The following IER2 variants were observed in gnomAD, a reference collection of about 807,000 sequenced individuals.
IER2 encodes the protein immediate early response 2.
For synonymous variants in IER2, 198 were observed against 149.6 expected (o/e 1.32, Z -2.36); for missense variants, 372 against 325.4 (o/e 1.14, Z -1.10).
rs968451558 is a variant in IER2 at position 13,154,651 on chromosome 19, A to G, written c.*793A>G. On this transcript the variant is annotated 3_prime_UTR_variant, in exon 2 of 2. Coordinates refer to ENST00000292433, the MANE Select transcript of IER2 (RefSeq NM_004907.3). ...GCGTGCCCCTCCCTCAGACACACGG[A>G]CACAATCAGCCGAGAAGTTCCTGGT... The G allele has an allele frequency of 1.7e-4, 28 of 167,374 alleles. No individual in the cohort carries two copies. The highest frequency in any genetic ancestry group is 6.5e-4 in the African/African-American group (27 of 41,526). The allele number at this position is 167,374 out of a possible 1,614,324, so 10.4% of individuals were successfully genotyped here.
Position 13,150,547 on chromosome 19 carries a change from G to A in IER2, c.-249G>A. On this transcript the variant is annotated 5_prime_UTR_variant, in exon 1 of 2. Coordinates refer to ENST00000292433, the MANE Select transcript of IER2 (RefSeq NM_004907.3). This position sits in a 1 kb window ranked among gnomAD's most constrained non-coding sequence, Gnocchi z 4.0. ...AACTTCAGTTTCCCTTCCAGGCACG[G>A]GCAATGTAAATAATGATAGCCTCCC... is the stretch of plus-strand genomic sequence containing the variant. The A allele has an allele frequency of 4.6e-6, 1 of 216,864 alleles. No individual in the cohort carries two copies. Among genetic ancestry groups the A allele is most frequent in the Non-Finnish European group, 9.2e-6 (1 of 108,746 alleles). 13.4% of individuals were successfully genotyped at this position (216,864 alleles called of 1,614,324 possible).
rs1427634322 is a variant in IER2, at chr19:13,150,998, G to T, written c.-244+446G>T. Among the ~76,000 whole-genome samples, 1 of 152,106 alleles carries T rather than the reference G, an allele frequency of 6.6e-6. No individual in the cohort carries two copies. Among genetic ancestry groups the T allele is most frequent in the East Asian group, 1.9e-4 (1 of 5,192 alleles). ...GTGGTGGCTTTGAGGATGGTCTCCA[G>T]GGGGGCCCTCTGTGTGTGGGGTCTC... On this transcript the variant is annotated intron_variant, in intron 1 of 1. Coordinates refer to ENST00000292433, the MANE Select transcript of IER2 (RefSeq NM_004907.3). The surrounding 1 kb of genome is among the most constrained non-coding windows in gnomAD (Gnocchi z 4.0).
intron 1 of IER2, among the ~76,000 whole-genome samples, chr19:13,151,164 G>A (rs2020051368): frequency 6.6e-6 from 1 of 151,976 alleles, no homozygotes; most frequent in African/African-American, 2.4e-5. Flanking sequence ...AGGGTGGGCG[G>A]GTTATCTGAG....
Position 13,153,259 on chromosome 19 carries a change from C to G in IER2, c.73C>G (p.Arg25Gly). 1 of 1,589,826 alleles carries G rather than the reference C, an allele frequency of 6.3e-7. No homozygotes were observed. Among genetic ancestry groups the G allele is most frequent in the Non-Finnish European group, 8.6e-7 (1 of 1,168,200 alleles). Residue 25 changes from arginine (R) to glycine (G), a missense_variant, in exon 2 of 2, where the codon CGC becomes GGC. Transcript: ENST00000292433. ...GAAGATGTATCACTCCCGCATGCAG[C>G]GCGGTGGCCTGCGGCTGCACCGGAG... is the stretch of plus-strand genomic sequence containing the variant. The part of the protein sequence containing the change: ...VWKMYHSRMQ[R>G]GGLRLHRSLQ...
At position 13,153,114 on chromosome 19, in the gene IER2, C is replaced by T; in HGVS notation, c.-73C>T. On this transcript the variant is annotated 5_prime_UTR_variant, in exon 2 of 2. Transcript: ENST00000292433. ...TTGTGTAGAGAGGCGTGAGCGAGCCCGTTGTCCGGAGTGCACCTGCTGCCT... is the reference window on the plus strand; with the variant it reads ...TTGTGTAGAGAGGCGTGAGCGAGCCTGTTGTCCGGAGTGCACCTGCTGCCT... 2 of 1,167,670 alleles carry T rather than the reference C, an allele frequency of 1.7e-6. No homozygotes were observed. Among genetic ancestry groups the T allele is most frequent in the Non-Finnish European group, 1.2e-6 (1 of 852,430 alleles). The allele number at this position is 1,167,670 out of a possible 1,614,324, so 72.3% of individuals were successfully genotyped here.
Position 13,153,010 on chromosome 19 carries a change from A to G in IER2, c.-177A>G. On this transcript the variant is annotated 5_prime_UTR_variant, in exon 2 of 2. It removes the in-frame stop codon of an upstream open reading frame in the 5' UTR. Coordinates refer to ENST00000292433, the MANE Select transcript of IER2 (RefSeq NM_004907.3). ...TTCGGTTGGGCGGGGTGTCTCAGTG[A>G]CGTCACTGGGGGTATAAAAGGGCCT... 2.3e-6 allele frequency: 1 copy of G among 438,636 alleles called. No individual in the cohort carries two copies. The highest frequency in any genetic ancestry group is 3.5e-5 in the East Asian group (1 of 28,234). The allele number at this position is 438,636 out of a possible 1,614,324, so 27.2% of individuals were successfully genotyped here.
At position 13,153,737 on chromosome 19, in the gene IER2, G is replaced by A. The variant is rs1049961490; in HGVS notation, c.551G>A (p.Gly184Asp). 1.0e-5 allele frequency: 16 copies of A among 1,604,530 alleles called. No homozygotes were observed. The highest frequency in any genetic ancestry group is 1.4e-5 in the Non-Finnish European group (16 of 1,178,394). The part of the protein sequence containing the change: ...LARVLQRRFS[G>D]LLNCSPAAPP... The stretch of plus-strand genomic sequence containing the variant: ...CGCGTCCTGCAGAGGCGCTTCTCCG[G>A]CCTCCTGAACTGCAGCCCCGCGGCC... The change falls in exon 2 of 2, where the codon GGC (glycine) becomes GAC (aspartate). Residue 184 changes from glycine (G) to aspartate (D), a missense_variant. Gly to Asp is a moderately conservative substitution (Grantham distance 94). Coordinates refer to ENST00000292433, the MANE Select transcript of IER2 (RefSeq NM_004907.3).
Position 13,154,194 on chromosome 19 carries a change from T to A in IER2, c.*336T>A. ...GGAGAAGGGAGGCTTGGGTGTTGTG[T>A]TTTTTGTTTTGTTTGTTTGTTTGTT... On this transcript the variant is annotated 3_prime_UTR_variant, in exon 2 of 2. Coordinates refer to ENST00000292433, the MANE Select transcript of IER2 (RefSeq NM_004907.3). The A allele has an allele frequency of 2.9e-6, 1 of 341,196 alleles. No individual in the cohort carries two copies. The highest frequency in any genetic ancestry group is 5.5e-6 in the Non-Finnish European group (1 of 180,678). The allele number at this position is 341,196 out of a possible 1,614,324, so 21.1% of individuals were successfully genotyped here.
At position 13,153,496 on chromosome 19, in the gene IER2, G is replaced by A. The variant is rs772356653; in HGVS notation, c.310G>A (p.Ala104Thr). The A allele has an allele frequency of 1.0e-5, 16 of 1,585,502 alleles. No individual in the cohort carries two copies. Among genetic ancestry groups the A allele is most frequent in the African/African-American group, 1.3e-5 (1 of 74,128 alleles). Residue 104 changes from alanine (A) to threonine (T), a missense_variant, in exon 2 of 2, where the codon GCC becomes ACC. By Grantham distance (58) the Ala-to-Thr change is moderately conservative. Transcript: ENST00000292433. ...EPMDTQEAPT[A>T]EETSACCAPR... The stretch of plus-strand genomic sequence containing the variant: ...AATGGACACGCAGGAGGCGCCGACA[G>A]CCGAGGAGACCTCCGCCTGCTGTGC...
Position 13,150,464 on chromosome 19 carries a change from T to C in IER2, c.-332T>C. ...GGTGTCGGAGTTCTGTCTGGGCCTA[T>C]TCGGGTCCGAGTTCGGAATTTCGGT... On this transcript the variant is annotated 5_prime_UTR_variant, in exon 1 of 2. Transcript: ENST00000292433. The surrounding 1 kb of genome is among the most constrained non-coding windows in gnomAD (Gnocchi z 4.0). 2.7e-6 allele frequency: 1 copy of C among 370,394 alleles called. No individual in the cohort carries two copies. Among genetic ancestry groups the C allele is most frequent in the South Asian group, 3.8e-5 (1 of 26,434 alleles). The allele number at this position is 370,394 out of a possible 1,614,324, so 22.9% of individuals were successfully genotyped here.
rs1477662736 is a variant in IER2, at chr19:13,154,327, G to GGCAC, written c.*470_*473dup. 1 of 169,696 alleles carries GGCAC rather than the reference G, an allele frequency of 5.9e-6. No individual in the cohort carries two copies. Among genetic ancestry groups the GGCAC allele is most frequent in the African/African-American group, 2.4e-5 (1 of 41,532 alleles). The allele number at this position is 169,696 out of a possible 1,614,324, so 10.5% of individuals were successfully genotyped here. A position where few individuals can be genotyped will look rare whatever the true frequency, so the allele number is the denominator to read the frequency against. On this transcript the variant is annotated 3_prime_UTR_variant, in exon 2 of 2. Transcript: ENST00000292433. ...GCGTTTCCAACCTCGGAGAATTCCA[G>GGCAC]GCACTCCCCTTCCCCCTCCGCTGAC...
Position 13,154,012 on chromosome 19 carries a change from AGAGGGACTCTGTCCCCGGG to A in IER2, c.*158_*176del. 3.2e-6 allele frequency: 2 copies of A among 627,982 alleles called. No individual in the cohort carries two copies. Among genetic ancestry groups the A allele is most frequent in the Non-Finnish European group, 5.2e-6 (2 of 384,822 alleles). The allele number at this position is 627,982 out of a possible 1,614,324, so 38.9% of individuals were successfully genotyped here. ...CCGCCCGGGCTGCTGAGAGGCCCGG[AGAGGGACTCTGTCCCCGGG>A]GAGCCATCGCCTTCAGTGTGCAGGG... is the stretch of plus-strand genomic sequence containing the variant. On this transcript the variant is annotated 3_prime_UTR_variant, in exon 2 of 2. Coordinates refer to ENST00000292433, the MANE Select transcript of IER2 (RefSeq NM_004907.3).
At chr19:13,151,063 G>A (rs1281027213) in intron 1 of IER2, among the ~76,000 whole-genome samples, 2 of 152,144 alleles carry the variant, frequency 1.3e-5, no homozygotes, top group Non-Finnish European at 2.9e-5. Flanking sequence ...GAGGGACTCA[G>A]GGTCGTCCCT....
At position 13,154,042 on chromosome 19, in the gene IER2, C is replaced by T. The variant is rs1029564328; in HGVS notation, c.*184C>T. 3.5e-5 allele frequency: 20 copies of T among 573,290 alleles called. No homozygotes were observed. The highest frequency in any genetic ancestry group is 4.8e-4 in the Middle Eastern group (1 of 2,078). 35.5% of individuals were successfully genotyped at this position (573,290 alleles called of 1,614,324 possible). ...GACTCTGTCCCCGGGGAGCCATCGC[C>T]TTCAGTGTGCAGGGACGGCACCGAG... On this transcript the variant is annotated 3_prime_UTR_variant, in exon 2 of 2. Coordinates refer to ENST00000292433, the MANE Select transcript of IER2 (RefSeq NM_004907.3).
In IER2 at chr19:13,153,366, G is replaced by A. The variant is rs371411633; in HGVS notation, c.180G>A (p.Ser60=). 20 of 1,591,246 alleles carry A rather than the reference G, an allele frequency of 1.3e-5. No individual in the cohort carries two copies. The highest frequency in any genetic ancestry group is 1.7e-5 in the Admixed American group (1 of 57,542). The change falls in exon 2 of 2, where the codon TCG becomes TCA. Residue 60 remains serine, a synonymous_variant. Coordinates refer to ENST00000292433, the MANE Select transcript of IER2 (RefSeq NM_004907.3). ...TGGAGGCCCTCGAGCCCGAGGTGTC[G>A]TTGCCGGCCGCCCTCCCCTCTGACC... ...AKVEALEPEV[S]LPAALPSDPR...
intron 1 of IER2, chr19:13,152,019 T>A (rs2020070755): frequency 6.6e-6 from 1 of 152,260 alleles, no homozygotes; most frequent in African/African-American, 2.4e-5. Context: ...GCACCAGGAA[T>A]GAATGGAGCC....
Position 13,153,599 on chromosome 19 carries a change from G to T in IER2, c.413G>T (p.Ser138Ile). 1.2e-6 allele frequency: 2 copies of T among 1,608,950 alleles called. No homozygotes were observed. The highest frequency in any genetic ancestry group is 1.7e-6 in the Non-Finnish European group (2 of 1,177,884). Reference protein sequence around the residue: ...SDGGDAGLVPSKKARLEEKEE... With the variant: ...SDGGDAGLVPIKKARLEEKEE... The stretch of plus-strand genomic sequence containing the variant: ...GGCGGGGACGCTGGACTGGTCCCGA[G>T]CAAGAAAGCCCGTCTGGAAGAAAAG... The change falls in exon 2 of 2, where the codon AGC (serine) becomes ATC (isoleucine). Residue 138 changes from serine to isoleucine, a missense_variant. Transcript: ENST00000292433.
Position 13,153,415 on chromosome 19 carries a change from GC to G in IER2, c.231del (p.Glu78SerfsTer50), listed in dbSNP as rs752718395. On this transcript the variant is annotated frameshift_variant, in exon 2 of 2. Transcript: ENST00000292433. LOFTEE classifies it low-confidence loss of function (END_TRUNC). ...SDPRLHPPRE[A>X]ESTAETATPD... ...CCCTCGCCTGCACCCGCCCCGAGAA[GC>G]CGAGTCCACGGCCGAGACAGCGACC... The G allele has an allele frequency of 1.9e-4, 297 of 1,593,550 alleles. 1 individual carries two copies. The highest frequency in any genetic ancestry group is 2.3e-4 in the Non-Finnish European group (274 of 1,172,832).
At chr19:13,152,174 C>T (rs1444767880) in intron 1 of IER2, 1 of 152,258 alleles carries the variant, frequency 6.6e-6, no homozygotes, top group Non-Finnish European at 1.5e-5. Flanking sequence ...CTAACCCCGC[C>T]TCCCCGAACG....
Sources: gnomAD v4.1 joint callset for allele counts (sites outside exome capture counted in the v4.1 genomes callset) on GRCh38, gnomAD v4.1.1 for gene constraint, Gnocchi (gnomAD v3.1) non-coding constraint, MANE v1.5 for transcripts, NCBI Gene and HGNC (gene_info 2026-07-23, HGNC 2026-07-21) for gene names.